Variants in TTK observed in about 807,000 individuals in gnomAD.
TTK encodes the protein dual specificity protein kinase TTK.
A neutral mutation model predicts 117.3 loss-of-function variants in TTK; 59 were observed. The observed-to-expected ratio is 0.50, with a 90% confidence interval of 0.41 to 0.62. TTK has a LOEUF of 0.62. Among genes scored for constraint, TTK ranks in the 20% least tolerant of loss-of-function variants. The pLI is 0.00. For missense variants in TTK, 921 were observed against 989.4 expected (o/e 0.93, Z 0.93); for synonymous variants, 302 against 325.0 (o/e 0.93, Z 0.76).
chr6:80,008,112 G>C (rs1430880161), intron 3 of TTK, 81 bp downstream of exon 3: 3 of 1,439,698 alleles, frequency 2.1e-6, no homozygotes, highest in African/African-American at 2.9e-5. Context: ...TAAAAAACAT[G>C]GCAGTATTGT....
chr6:80,019,710 T>G (rs2127674312), intron 10 of TTK, among the ~76,000 whole-genome samples: 1 of 152,286 alleles, frequency 6.6e-6, no homozygotes, highest in South Asian at 2.1e-4. Flanking sequence ...CTGTTTTCAT[T>G]GAACCACCAA....
chr6:80,019,035 C>T (rs1052729441), intron 10 of TTK, among the ~76,000 whole-genome samples: 1 of 152,100 alleles, frequency 6.6e-6, no homozygotes, highest in Non-Finnish European at 1.5e-5. Context: ...TAGGAATAAG[C>T]CCAATTTGGA....
rs1279903182 is a variant in TTK, at chr6:80,007,822, T to C, written c.153T>C (p.Thr51=). The C allele has an allele frequency of 6.2e-7, 1 of 1,610,818 alleles. No individual in the cohort carries two copies. Among genetic ancestry groups the C allele is most frequent in the East Asian group, 2.2e-5 (1 of 44,794 alleles). ...CCCCTTATTTAGATAACTCGGGAAC[T>C]GTTAACCAAATTATGATGATGGCAA... The part of the protein sequence containing the change: ...ISADTTDNSG[T]VNQIMMMANN... The change falls in exon 3 of 22, where the codon ACT becomes ACC. Residue 51 remains threonine (T), a synonymous_variant. Coordinates refer to ENST00000369798, the MANE Select transcript of TTK (RefSeq NM_003318.5).
intron 5 of TTK, 48 bp downstream of exon 5, chr6:80,011,005 A>G (rs373493069): frequency 1.7e-5 from 26 of 1,537,802 alleles, no homozygotes; most frequent in Non-Finnish European, 2.0e-5. Context: ...TAGTACTTCA[A>G]ATAAAGATTC....
At chr6:80,028,091 T>C (rs1767654155) in intron 13 of TTK, 80 bp downstream of exon 13, 2 of 1,402,948 alleles carry the variant, frequency 1.4e-6, no homozygotes, top group African/African-American at 3.0e-5. Flanking sequence ...CATCTAGTTA[T>C]CAAGAAAGGT....
At chr6:80,025,764 A>G (rs1399642521) in intron 11 of TTK, among the ~76,000 whole-genome samples, 1 of 152,182 alleles carries the variant, frequency 6.6e-6, no homozygotes, top group Non-Finnish European at 1.5e-5. Flanking sequence ...GGCCACATTC[A>G]GCCTGAGCCT....
At chr6:80,034,509 C>T (rs1767842073) in intron 14 of TTK, among the ~76,000 whole-genome samples, 1 of 152,010 alleles carries the variant, frequency 6.6e-6, no homozygotes, top group Non-Finnish European at 1.5e-5. Flanking sequence ...TTTATTTTTC[C>T]TTGAGACCGT....
intron 18 of TTK, 117 bp downstream of exon 18, chr6:80,038,164 C>A: frequency 1.8e-6 from 1 of 547,610 alleles, no homozygotes; most frequent in Non-Finnish European, 2.9e-6. Context: ...TAGGCCATTA[C>A]AGAGACATTG....
intron 12 of TTK, among the ~76,000 whole-genome samples, chr6:80,027,601 A>C (rs1038568787): frequency 1.3e-5 from 2 of 152,204 alleles, no homozygotes; most frequent in African/African-American, 4.8e-5. Flanking sequence ...ATGTTTGCTA[A>C]ATTCATATAA....
Position 80,008,041 on chromosome 6 carries a change from A to C in TTK, c.362+10A>C. On this transcript the variant is annotated intron_variant, in intron 3 of 21. Coordinates refer to ENST00000369798, the MANE Select transcript of TTK (RefSeq NM_003318.5). ...TTGCTGAATTAAAAGCGTAAGTATT[A>C]GCATTTTAACTATGTTCAACTATGT... The C allele has an allele frequency of 6.2e-7, 1 of 1,612,138 alleles. No homozygotes were observed. The highest frequency in any genetic ancestry group is 8.5e-7 in the Non-Finnish European group (1 of 1,179,030).
chr6:80,036,651 T>C, intron 17 of TTK, 52 bp downstream of exon 17: 1 of 1,534,488 alleles, frequency 6.5e-7, no homozygotes, highest in South Asian at 1.3e-5. Context: ...TTTTTTTACC[T>C]GTGAAGTATT....
chr6:80,041,056 T>C (rs1267698250), intron 21 of TTK, among the ~76,000 whole-genome samples: 1 of 151,792 alleles, frequency 6.6e-6, no homozygotes, highest in Admixed American at 6.6e-5. Context: ...GTTTTTTCCT[T>C]AGAGACATTA....
chr6:80,034,258 A>G (rs546178200), intron 14 of TTK, among the ~76,000 whole-genome samples: 24 of 152,292 alleles, frequency 1.6e-4, no homozygotes, highest in African/African-American at 5.5e-4. Context: ...TGGGGTAATG[A>G]GAATGGTCAA....
At position 80,007,991 on chromosome 6, in the gene TTK, A is replaced by ACGG; in HGVS notation, c.322_323insCGG (p.Ser108delinsThrGly). On this transcript the variant is annotated protein_altering_variant, in exon 3 of 22. Transcript: ENST00000369798. ...CCCAGATAAATATGGCCAAAATGAG[A>ACGG]GTTTTGCTAGAATTCAAGTGAGATT... 2.1e-5 allele frequency: 34 copies of ACGG among 1,591,542 alleles called. No homozygotes were observed. Among genetic ancestry groups the ACGG allele is most frequent in the African/African-American group, 4.0e-5 (3 of 74,518 alleles).
intron 14 of TTK, 56 bp downstream of exon 14, chr6:80,031,615 T>G: frequency 7.5e-7 from 1 of 1,326,476 alleles, no homozygotes; most frequent in Non-Finnish European, 1.0e-6. Context: ...CTTTCTGTTT[T>G]TTTGTCTTTT....
chr6:80,005,424 C>G (rs927647383), intron 1 of TTK, among the ~76,000 whole-genome samples: 1 of 152,194 alleles, frequency 6.6e-6, no homozygotes, highest in Non-Finnish European at 1.5e-5. Context: ...AAGATTTACT[C>G]AAGTAAAGCA....
intron 18 of TTK, among the ~76,000 whole-genome samples, chr6:80,038,970 A>G (rs1767977659): frequency 1.3e-5 from 2 of 152,086 alleles, no homozygotes; most frequent in African/African-American, 2.4e-5. Context: ...ATGACAATGT[A>G]CTTTTATAAT....
intron 11 of TTK, among the ~76,000 whole-genome samples, chr6:80,025,859 CT>C (rs34381465): frequency 0.07 from 9,168 of 130,162 alleles, 292 homozygotes; most frequent in South Asian, 0.12. Flanking sequence ...CCTATAGGTT[CT>C]TTTTTTTTTT....
chr6:80,038,075 T>C, intron 18 of TTK, 28 bp downstream of exon 18: 1 of 1,512,640 alleles, frequency 6.6e-7, no homozygotes, highest in African/African-American at 1.4e-5. Flanking sequence ...TACATCACAA[T>C]TATCTGGCAA....
Sources: allele counts gnomAD v4.1 joint callset (sites outside exome capture counted in the v4.1 genomes callset), GRCh38; gene constraint gnomAD v4.1.1; transcripts MANE v1.5; gene names NCBI Gene and HGNC (gene_info 2026-07-23, HGNC 2026-07-21).